SND1: variants seen among roughly 807,000 people sequenced by gnomAD.
SND1 encodes the protein staphylococcal nuclease and tudor domain containing 1.
In SND1, 38 loss-of-function variants were observed where a neutral mutation model predicts 121.7. That is an observed-to-expected ratio of 0.31 (90% CI 0.24 to 0.41). The LOEUF (loss-of-function observed/expected upper bound fraction) is 0.41. Among genes scored for constraint, SND1 ranks in the 10% least tolerant of loss-of-function variants. SND1 has a pLI of 1.00. For synonymous variants in SND1, 401 were observed against 447.4 expected, an observed-to-expected ratio of 0.90 and a Z score of 1.31; for missense variants, 868 against 1,184.6, an observed-to-expected ratio of 0.73 and a Z score of 3.92.
intron 9 of SND1, among the ~76,000 whole-genome samples, chr7:127,715,388 A>G (rs1281165028): frequency 6.6e-6 from 1 of 152,030 alleles, no homozygotes; most frequent in Non-Finnish European, 1.5e-5. Flanking sequence ...ACATGGGTAT[A>G]TTGTTTGGAG....
chr7:127,955,408 T>TGA (rs1474238944), intron 15 of SND1, among the ~76,000 whole-genome samples: 4 of 152,082 alleles, frequency 2.6e-5, no homozygotes, highest in Admixed American at 2.6e-4. Context: ...CACCTTATCT[T>TGA]GAGAGAGAGA....
intron 16 of SND1, among the ~76,000 whole-genome samples, chr7:128,007,686 C>G (rs536954192): frequency 6.6e-6 from 1 of 152,270 alleles, no homozygotes; most frequent in East Asian, 1.9e-4. Flanking sequence ...GTCAAACAAA[C>G]TAAAATAGAG....
chr7:127,674,763 C>T (rs566754701), intron 1 of SND1, among the ~76,000 whole-genome samples: 2 of 152,302 alleles, frequency 1.3e-5, no homozygotes, highest in East Asian at 3.9e-4. Context: ...TTTCCAGCTT[C>T]CTTTTAAACT....
chr7:128,022,339 T>C (rs755593939), intron 16 of SND1, among the ~76,000 whole-genome samples: 7 of 152,142 alleles, frequency 4.6e-5, no homozygotes, highest in Non-Finnish European at 7.3e-5. Flanking sequence ...GTGTACAGAA[T>C]GAACAAACCT....
chr7:128,089,047 T>G (rs1793732100), intron 21 of SND1, among the ~76,000 whole-genome samples: 3 of 151,938 alleles, frequency 2.0e-5, no homozygotes, highest in African/African-American at 7.3e-5. Context: ...CTGGTTTGTG[T>G]TTTTTTGTTT....
chr7:127,736,355 T>A (rs1315370978), intron 10 of SND1, among the ~76,000 whole-genome samples: 1 of 152,262 alleles, frequency 6.6e-6, no homozygotes, highest in Non-Finnish European at 1.5e-5. Context: ...TGTTCATGTT[T>A]TATAACTGAG....
intron 11 of SND1, among the ~76,000 whole-genome samples, chr7:127,823,341 G>A (rs942960083): frequency 6.6e-6 from 1 of 152,136 alleles, no homozygotes; most frequent in African/African-American, 2.4e-5. Context: ...TTATGAGTCT[G>A]GGAGGAAGTG....
chr7:127,814,934 G>T lies in SND1; in HGVS notation c.1242+7361G>T, dbSNP rs372569329. The stretch of plus-strand genomic sequence containing the variant: ...TCTTCATAATTTGGGTCATGTAGTT[G>T]TAAGTTAAAAAATGAGCCCCTTGTT... On this transcript the variant is annotated intron_variant, in intron 11 of 23. Coordinates refer to ENST00000354725, the MANE Select transcript of SND1 (RefSeq NM_014390.4). Among the ~76,000 whole-genome samples, 6 of 152,286 alleles carry T rather than the reference G, an allele frequency of 3.9e-5. No homozygotes were observed. The East Asian group carries it at 9.7e-4, about 25-fold the overall frequency.
chr7:128,046,365 G>GTTT (rs373853260), intron 16 of SND1, among the ~76,000 whole-genome samples: 36 of 115,240 alleles, frequency 3.1e-4, no homozygotes, highest in Non-Finnish European at 4.6e-4. Flanking sequence ...TTGTTGTTGT[G>GTTT]TTTTTTTTTT....
At chr7:127,784,474 C>G (rs1797776774) in intron 10 of SND1, among the ~76,000 whole-genome samples, 1 of 152,202 alleles carries the variant, frequency 6.6e-6, no homozygotes, top group Non-Finnish European at 1.5e-5. Context: ...AGAAGTACCT[C>G]TCCCCTCTCC....
At chr7:127,854,843 G>A (rs75046596) in intron 12 of SND1, among the ~76,000 whole-genome samples, 50 of 151,980 alleles carry the variant, frequency 3.3e-4, no homozygotes, top group African/African-American at 1.2e-3. Context: ...GTAACTCACA[G>A]TAGTGATTCT....
At chr7:127,860,059 GT>G (rs1799348359) in intron 12 of SND1, among the ~76,000 whole-genome samples, 1 of 152,196 alleles carries the variant, frequency 6.6e-6, no homozygotes. Flanking sequence ...TGGGGAGATG[GT>G]TATTTCTAGC....
chr7:127,810,100 G>A (rs1332736001), intron 11 of SND1, among the ~76,000 whole-genome samples: 1 of 151,554 alleles, frequency 6.6e-6, no homozygotes, highest in African/African-American at 2.4e-5. Context: ...TACTTTTTCA[G>A]TTATGATATA....
chr7:127,991,202 T>G (rs1802516464), intron 16 of SND1, 146 bp downstream of exon 16: 2 of 634,174 alleles, frequency 3.2e-6, no homozygotes, highest in Admixed American at 5.5e-5. Context: ...GCCCACATCT[T>G]ATTTCCCTGA....
intron 13 of SND1, among the ~76,000 whole-genome samples, chr7:127,892,626 T>C (rs1800029805): frequency 6.6e-6 from 1 of 152,096 alleles, no homozygotes; most frequent in Non-Finnish European, 1.5e-5. Flanking sequence ...AGCTCTGTTG[T>C]CTATCATCAG....
chr7:127,812,313 A>G (rs751431509), intron 11 of SND1, among the ~76,000 whole-genome samples: 1 of 152,216 alleles, frequency 6.6e-6, no homozygotes, highest in Non-Finnish European at 1.5e-5. Context: ...ATAGCACTGT[A>G]TATCTGCCTT....
At chr7:127,720,685 G>A (rs1231681975) in intron 9 of SND1, among the ~76,000 whole-genome samples, 1 of 152,180 alleles carries the variant, frequency 6.6e-6, no homozygotes, top group Non-Finnish European at 1.5e-5. Context: ...TAGTAGTAGT[G>A]CTCTGAAAAG....
intron 15 of SND1, among the ~76,000 whole-genome samples, chr7:127,975,985 G>A (rs1027586680): frequency 7.2e-5 from 11 of 152,218 alleles, no homozygotes; most frequent in African/African-American, 2.7e-4. Context: ...ATACATGAGA[G>A]TTCAGCCCTC....
chr7:127,811,007 T>A (rs1214601862), intron 11 of SND1, among the ~76,000 whole-genome samples: 1 of 151,560 alleles, frequency 6.6e-6, no homozygotes, highest in Non-Finnish European at 1.5e-5. Context: ...AGATGCTCAT[T>A]GTAAACTGTT....
Sources: gnomAD v4.1 joint callset for allele counts (sites outside exome capture counted in the v4.1 genomes callset) on GRCh38, gnomAD v4.1.1 for gene constraint, MANE v1.5 for transcripts, NCBI Gene and HGNC (gene_info 2026-07-23, HGNC 2026-07-21) for gene names.